The following ASXL2 variants were observed in gnomAD, a reference collection of about 807,000 sequenced individuals.
The protein encoded by ASXL2 is putative Polycomb group protein ASXL2.
Under a neutral mutation model 122.0 loss-of-function variants are expected in ASXL2, and 23 were observed. That is an observed-to-expected ratio of 0.19 (90% CI 0.14 to 0.27). The LOEUF is 0.27. Among genes scored for constraint, ASXL2 ranks in the 10% least tolerant of loss-of-function variants. The pLI is 1.00. For missense variants in ASXL2, 1,518 were observed against 1,713.8 expected, an observed-to-expected ratio of 0.89 and a Z score of 2.02; for synonymous variants, 650 against 637.0, an observed-to-expected ratio of 1.02 and a Z score of -0.31.
chr2:25,742,716 C>A lies in ASXL2; in HGVS notation c.3621G>T (p.Lys1207Asn). The change falls in exon 13 of 13, where the codon AAG becomes AAT. Residue 1207 changes from lysine to asparagine, a missense_variant. Physicochemically the swap from Lys to Asn is moderately conservative, Grantham distance 94. Around this residue, in one of 8 missense-constraint regions of ASXL2, gnomAD observed 831 missense variants for 833.1 expected, o/e 1.00. Coordinates refer to ENST00000435504, the MANE Select transcript of ASXL2 (RefSeq NM_018263.6). ...TGTGAGGTCCTGAACTTGTGTCACCCTTGCCAGCACTCTGGGAAACCTGGG... is the reference window on the plus strand; with the variant it reads ...TGTGAGGTCCTGAACTTGTGTCACCATTGCCAGCACTCTGGGAAACCTGGG... Reference protein sequence around the residue: ...EEPQVSQSAGKGDTSSGPHSR... With the variant: ...EEPQVSQSAGNGDTSSGPHSR... The A allele has an allele frequency of 1.2e-6, 2 of 1,613,980 alleles. No homozygotes were observed. The highest frequency in any genetic ancestry group is 1.7e-6 in the Non-Finnish European group (2 of 1,179,888).
intron 8 of ASXL2, among the ~76,000 whole-genome samples, chr2:25,764,714 G>C (rs537928080): frequency 6.6e-6 from 1 of 152,292 alleles, no homozygotes; most frequent in Admixed American, 6.5e-5. Context: ...CTTTTGAGAA[G>C]CAACAGCTTT....
chr2:25,875,944 TG>T (rs1398146613), intron 1 of ASXL2, among the ~76,000 whole-genome samples: 1 of 152,228 alleles, frequency 6.6e-6, no homozygotes, highest in Non-Finnish European at 1.5e-5. Context: ...AATGTACCTT[TG>T]CCCGGTCCTT....
At chr2:25,832,037 G>C (rs750485271) in intron 3 of ASXL2, among the ~76,000 whole-genome samples, 5 of 152,144 alleles carry the variant, frequency 3.3e-5, no homozygotes, top group Non-Finnish European at 7.4e-5. Flanking sequence ...TTTACTAAGA[G>C]AAGTAGAACT....
At chr2:25,772,748 A>C (rs1248344332) in intron 5 of ASXL2, among the ~76,000 whole-genome samples, 1 of 151,278 alleles carries the variant, frequency 6.6e-6, no homozygotes, top group Non-Finnish European at 1.5e-5. Context: ...AAAAAAAAAA[A>C]AAAAAAAAGG....
rs1259116191 is a variant in ASXL2, at chr2:25,820,043, T to C, written c.144-13706A>G. 3.9e-5 allele frequency among the ~76,000 whole-genome samples: 6 copies of C among 152,210 alleles called. No homozygotes were observed. The East Asian group carries it at 1.2e-3, about 29-fold the overall frequency. On this transcript the variant is annotated intron_variant, in intron 3 of 12. Coordinates refer to ENST00000435504, the MANE Select transcript of ASXL2 (RefSeq NM_018263.6). ...TCTCCTGCCTCCACCTCTAGAGTAG[T>C]TGGGACTACAAGTGTGCACCACGAT...
chr2:25,802,072 G>A (rs1374893227), intron 4 of ASXL2, among the ~76,000 whole-genome samples: 7 of 152,150 alleles, frequency 4.6e-5, no homozygotes, highest in Admixed American at 4.6e-4. Context: ...CTACTTTCAA[G>A]TCCACTCTGA....
At chr2:25,809,224 T>C (rs769577642) in intron 3 of ASXL2, among the ~76,000 whole-genome samples, 1 of 151,840 alleles carries the variant, frequency 6.6e-6, no homozygotes, top group Non-Finnish European at 1.5e-5. Flanking sequence ...CTGCAGGCAG[T>C]TGAGAGGGGG....
rs2089413535 is a variant in ASXL2, at chr2:25,828,848, A to AC, written c.143+6689dup. ...TCAAAAAAAAAAAAAAAAAAAAAAAACAACAACCTTGTCCAATCTCCTGAG... is the reference window on the plus strand; with the variant it reads ...TCAAAAAAAAAAAAAAAAAAAAAAAACCAACAACCTTGTCCAATCTCCTGAG... On this transcript the variant is annotated intron_variant, in intron 3 of 12. Transcript: ENST00000435504. Among the ~76,000 whole-genome samples, 3 of 150,298 alleles carry AC rather than the reference A, an allele frequency of 2.0e-5. No individual in the cohort carries two copies. The South Asian group carries it at 6.3e-4, about 32-fold the overall frequency.
chr2:25,744,935 CCACACA>C lies in ASXL2; in HGVS notation c.1861-465_1861-460del, dbSNP rs10579555. Among the ~76,000 whole-genome samples, 1,682 of 138,194 alleles carry C rather than the reference CCACACA, an allele frequency of 0.012. 23 individuals are homozygous for C. Among genetic ancestry groups the C allele is most frequent in the South Asian group, 0.059 (236 of 3,992 alleles). 90.7% of individuals were successfully genotyped at this position (138,194 alleles called of 152,430 possible). ...GGGAAAATACTTGCTCTTCTCTGTTCCACACACACACACACACACACACACACACAC... is the reference window on the plus strand; with the variant it reads ...GGGAAAATACTTGCTCTTCTCTGTTCCACACACACACACACACACACACAC... On this transcript the variant is annotated intron_variant, in intron 12 of 12. Transcript: ENST00000435504. This position sits in a 1 kb window ranked among gnomAD's most constrained non-coding sequence, Gnocchi z 4.7.
chr2:25,782,774 GT>G (rs1311102184), intron 5 of ASXL2, among the ~76,000 whole-genome samples: 7 of 152,154 alleles, frequency 4.6e-5, no homozygotes, highest in Non-Finnish European at 8.8e-5. Flanking sequence ...TAGAAGTTAT[GT>G]TTTTTATTCT....
At chr2:25,846,085 C>G (rs2089644562) in intron 1 of ASXL2, among the ~76,000 whole-genome samples, 1 of 151,992 alleles carries the variant, frequency 6.6e-6, no homozygotes, top group African/African-American at 2.4e-5. Context: ...GGTAGCTCCC[C>G]TGAGCCTGGA....
intron 5 of ASXL2, among the ~76,000 whole-genome samples, chr2:25,795,324 T>G (rs146062634): frequency 9.8e-5 from 15 of 152,306 alleles, no homozygotes; most frequent in African/African-American, 3.6e-4. Flanking sequence ...GACCCAATAT[T>G]CAATTTGATA....
At chr2:25,856,600 T>A (rs2089781814) in intron 1 of ASXL2, 1 of 1,218,806 alleles carries the variant, frequency 8.2e-7, no homozygotes, top group Non-Finnish European at 1.2e-6. Flanking sequence ...ATCTGTCCTG[T>A]GCAGAGCCCC....
Position 25,878,078 on chromosome 2 carries a change from T to C in ASXL2, c.57+88A>G, listed in dbSNP as rs2090024889. 4 of 1,546,016 alleles carry C rather than the reference T, an allele frequency of 2.6e-6. No homozygotes were observed. The African/African-American group carries it at 4.1e-5, about 16-fold the overall frequency. On this transcript the variant is annotated intron_variant, in intron 1 of 12. Coordinates refer to ENST00000435504, the MANE Select transcript of ASXL2 (RefSeq NM_018263.6). ...TTTTGTGCCCCTTCAGCCGGGTCCC[T>C]GGGCCAGTGACCTCCCTTTCCCTGC...
At position 25,742,301 on chromosome 2, in the gene ASXL2, G is replaced by A. The variant is rs1207816961; in HGVS notation, c.4036C>T (p.Pro1346Ser). ...SSDMDHNSAV[P>S]GSQVSSNVGD... ...ACATTGCTAGATACCTGGCTACCTG[G>A]TACAGCAGAGTTATGGTCCATGTCA... Residue 1346 changes from proline (P) to serine (S), a missense_variant, in exon 13 of 13, where the codon CCA (proline) becomes TCA (serine). By Grantham distance (74) the Pro-to-Ser change is moderately conservative. This residue lies in a region of ASXL2 where 831 missense variants were observed against 833.1 expected (regional missense o/e 1.00). Coordinates refer to ENST00000435504, the MANE Select transcript of ASXL2 (RefSeq NM_018263.6). The A allele has an allele frequency of 6.2e-7, 1 of 1,613,758 alleles. No individual in the cohort carries two copies. Among genetic ancestry groups the A allele is most frequent in the Non-Finnish European group, 8.5e-7 (1 of 1,179,884 alleles).
chr2:25,787,668 T>C (rs764569589), intron 5 of ASXL2, among the ~76,000 whole-genome samples: 23 of 152,056 alleles, frequency 1.5e-4, no homozygotes, highest in Non-Finnish European at 1.9e-4. Context: ...GAATAAAAAA[T>C]GTCAAGGAAT....
In ASXL2 at chr2:25,759,550, T is replaced by C; in HGVS notation, c.871A>G (p.Thr291Ala). 6.2e-7 allele frequency: 1 copy of C among 1,614,014 alleles called. No individual in the cohort carries two copies. Among genetic ancestry groups the C allele is most frequent in the Non-Finnish European group, 8.5e-7 (1 of 1,179,892 alleles). Residue 291 changes from threonine to alanine, a missense_variant, in exon 9 of 13, where the codon ACA becomes GCA. By Grantham distance (58) the Thr-to-Ala change is moderately conservative. Around this residue, in one of 8 missense-constraint regions of ASXL2, gnomAD observed 92 missense variants for 156.6 expected, o/e 0.59. Transcript: ENST00000435504. ...TNLRALINKHTFSVLPGDCQQ... is the reference protein window; with the variant it reads ...TNLRALINKHAFSVLPGDCQQ... ...CAATCTCCAGGAAGGACTGAAAATG[T>C]GTGCTTGTTGATCAGTGCTCGCAGA...
At chr2:25,829,289 T>TACATAC (rs1553703471) in intron 3 of ASXL2, among the ~76,000 whole-genome samples, 53 of 145,614 alleles carry the variant, frequency 3.6e-4, no homozygotes, top group Admixed American at 2.8e-4. Flanking sequence ...CACATACACA[T>TACATAC]ACACACACAC....
chr2:25,752,853 GA>G (rs70950118), intron 11 of ASXL2, among the ~76,000 whole-genome samples: 3,428 of 113,354 alleles, frequency 0.03, 36 homozygotes, highest in South Asian at 0.042. Flanking sequence ...CTCAAAAAAA[GA>G]AAAAAAAAAA....
Sources: gnomAD v4.1 joint callset for allele counts (sites outside exome capture counted in the v4.1 genomes callset) on GRCh38, gnomAD v4.1.1 for gene constraint, gnomAD v4.1.1 regional missense constraint, Gnocchi (gnomAD v3.1) non-coding constraint, MANE v1.5 for transcripts, NCBI Gene and HGNC (gene_info 2026-07-23, HGNC 2026-07-21) for gene names.